TOX2: variants seen among roughly 807,000 people sequenced by gnomAD.
TOX2 encodes TOX high mobility group box family member 2.
In TOX2, 15 loss-of-function variants were observed where a neutral mutation model predicts 47.4. That is an observed-to-expected ratio of 0.32 (90% CI 0.21 to 0.49). TOX2 has a LOEUF of 0.49. Ranked by LOEUF, TOX2 falls within the 20% of genes least tolerant of loss-of-function variation. The pLI is 0.99. For synonymous variants in TOX2, 290 were observed against 296.6 expected (o/e 0.98, Z 0.23); for missense variants, 622 against 673.1 (o/e 0.92, Z 0.84).
intron 1 of TOX2, among the ~76,000 whole-genome samples, chr20:43,957,567 C>CTTTTTTTT: frequency 9.5e-6 from 1 of 105,804 alleles, no homozygotes. Flanking sequence ...TAAATGCCCT[C>CTTTTTTTT]TTTTTTTTTT....
intron 1 of TOX2, among the ~76,000 whole-genome samples, chr20:43,927,614 T>TTCCC (rs2069186963): frequency 1.3e-5 from 1 of 76,374 alleles, no homozygotes; most frequent in East Asian, 6.9e-4. Flanking sequence ...CCTTCCTTCC[T>TTCCC]TCCTTCCTTC....
chr20:43,936,589 C>T (rs749313394), intron 1 of TOX2, among the ~76,000 whole-genome samples: 2 of 152,160 alleles, frequency 1.3e-5, no homozygotes, highest in African/African-American at 4.8e-5. Flanking sequence ...ATGCTGCTGG[C>T]TGGGGGCTGG....
At position 44,068,832 on chromosome 20, in the gene TOX2, T is replaced by G; in HGVS notation, c.*146T>G. 2.8e-6 allele frequency: 3 copies of G among 1,081,980 alleles called. No individual in the cohort carries two copies. The highest frequency in any genetic ancestry group is 4.2e-6 in the Non-Finnish European group (3 of 719,694). The allele number at this position is 1,081,980 out of a possible 1,614,324, so 67.0% of individuals were successfully genotyped here. ...ACCCATTGCCCGGGGGCTGAGTCTC[T>G]TCCTCAACCTCCCACCAGACTCTGC... On this transcript the variant is annotated 3_prime_UTR_variant, in exon 9 of 9. Coordinates refer to ENST00000341197, the MANE Select transcript of TOX2 (RefSeq NM_001098797.2).
chr20:44,055,074 T>C (rs1165716973), intron 5 of TOX2, among the ~76,000 whole-genome samples: 1 of 152,174 alleles, frequency 6.6e-6, no homozygotes, highest in African/African-American at 2.4e-5. Context: ...TTCCCCCCGG[T>C]ATGTCACTGA....
chr20:44,054,301 C>A lies in TOX2; in HGVS notation c.654C>A (p.Ile218=), dbSNP rs1413437783. 5 of 1,607,184 alleles carry A rather than the reference C, an allele frequency of 3.1e-6. No homozygotes were observed. Among genetic ancestry groups the A allele is most frequent in the African/African-American group, 1.3e-5 (1 of 74,614 alleles). The change falls in exon 5 of 9, where the codon ATC becomes ATA. Residue 218 remains isoleucine (I), a splice_region_variant and synonymous_variant. Transcript: ENST00000341197. The part of the protein sequence containing the change: ...QEEESEVHFK[I]SGEKRPSADP... ...TCTGACTCTTCTCACTCGGGCAGAT[C>A]TCGGGAGAAAAGAGACCTTCAGCCG...
intron 3 of TOX2, among the ~76,000 whole-genome samples, chr20:44,019,924 C>A (rs1171018771): frequency 1.3e-5 from 2 of 152,162 alleles, no homozygotes; most frequent in Non-Finnish European, 2.9e-5. Context: ...TAAAGCATTT[C>A]ATGAATGAGC....
intron 2 of TOX2, among the ~76,000 whole-genome samples, chr20:43,982,756 C>T (rs537839643): frequency 6.6e-6 from 1 of 151,636 alleles, no homozygotes; most frequent in Non-Finnish European, 1.5e-5. Context: ...GAATGAGGGG[C>T]TGGATGCTGA....
intron 2 of TOX2, among the ~76,000 whole-genome samples, chr20:43,986,531 C>T (rs1292086035): frequency 7.2e-5 from 11 of 152,032 alleles, no homozygotes; most frequent in Admixed American, 7.2e-4. Context: ...ATCTGCCCAC[C>T]CCAGCCTCCC....
At chr20:44,037,191 T>G (rs1026133194) in intron 3 of TOX2, among the ~76,000 whole-genome samples, 1 of 152,198 alleles carries the variant, frequency 6.6e-6, no homozygotes, top group Non-Finnish European at 1.5e-5. Context: ...TGACCTCAGG[T>G]GATCCACCCA....
chr20:44,044,919 GTAT>G (rs2071390500), intron 3 of TOX2, among the ~76,000 whole-genome samples: 1 of 152,204 alleles, frequency 6.6e-6, no homozygotes, highest in Non-Finnish European at 1.5e-5. Context: ...ATACAAGGGT[GTAT>G]TGCTCAGCCT....
chr20:44,003,608 C>T (rs1008713809), intron 2 of TOX2, among the ~76,000 whole-genome samples: 9 of 152,176 alleles, frequency 5.9e-5, no homozygotes, highest in African/African-American at 1.9e-4. Flanking sequence ...CTACTTATAA[C>T]GATGAGTGCT....
chr20:43,931,142 G>GA (rs1012896193), intron 1 of TOX2, among the ~76,000 whole-genome samples: 1 of 151,940 alleles, frequency 6.6e-6, no homozygotes, highest in African/African-American at 2.4e-5. Flanking sequence ...CATCTTTTAT[G>GA]TTTTTTTTCT....
chr20:44,067,375 G>A (rs919490897), intron 8 of TOX2, among the ~76,000 whole-genome samples: 9 of 152,196 alleles, frequency 5.9e-5, no homozygotes, highest in African/African-American at 2.2e-4. Flanking sequence ...CCCACCTGGA[G>A]GTCAGGGAAC....
chr20:44,007,337 G>A (rs1194493663), intron 3 of TOX2: 1 of 155,066 alleles, frequency 6.4e-6, no homozygotes, highest in African/African-American at 2.4e-5. Context: ...GGGCTGTAGT[G>A]CCCTATGCAA....
rs2069042792 is a variant in TOX2, at chr20:43,915,252, A to G, written c.99+262A>G. On this transcript the variant is annotated intron_variant, in intron 1 of 8. Transcript: ENST00000341197. This position sits in a 1 kb window ranked among gnomAD's most constrained non-coding sequence, Gnocchi z 7.1. The stretch of plus-strand genomic sequence containing the variant: ...CCTGACAGCCTCGCAGTCATTCACA[A>G]GCCGTCACAGTGACCCACAGCCACA... 6.6e-6 allele frequency among the ~76,000 whole-genome samples: 1 copy of G among 151,986 alleles called. No individual in the cohort carries two copies. The highest frequency in any genetic ancestry group is 2.4e-5 in the African/African-American group (1 of 41,364).
intron 2 of TOX2, among the ~76,000 whole-genome samples, chr20:43,996,717 G>A (rs1446954300): frequency 2.0e-5 from 3 of 151,820 alleles, no homozygotes; most frequent in African/African-American, 7.3e-5. Context: ...CTGTTTCCTG[G>A]TATAATTCTC....
intron 1 of TOX2, among the ~76,000 whole-genome samples, chr20:43,949,017 G>A (rs1394147838): frequency 6.6e-6 from 1 of 152,142 alleles, no homozygotes; most frequent in Non-Finnish European, 1.5e-5. Flanking sequence ...TGGGGGGATT[G>A]GTGTAGAAAG....
intron 3 of TOX2, among the ~76,000 whole-genome samples, chr20:44,031,698 A>G (rs751963328): frequency 6.6e-6 from 1 of 152,112 alleles, no homozygotes; most frequent in Non-Finnish European, 1.5e-5. Context: ...GAGACTTACC[A>G]TAGGCCAGGA....
intron 3 of TOX2, among the ~76,000 whole-genome samples, chr20:44,037,344 T>C (rs1466971515): frequency 6.6e-6 from 1 of 152,238 alleles, no homozygotes; most frequent in Non-Finnish European, 1.5e-5. Flanking sequence ...AAAACTTTCG[T>C]CTTGAACACA....
Sources: gnomAD v4.1 joint callset for allele counts (sites outside exome capture counted in the v4.1 genomes callset) on GRCh38, gnomAD v4.1.1 for gene constraint, Gnocchi (gnomAD v3.1) non-coding constraint, MANE v1.5 for transcripts, NCBI Gene and HGNC (gene_info 2026-07-23, HGNC 2026-07-21) for gene names.